PRKCB: variants seen among roughly 807,000 people sequenced by gnomAD.
PRKCB encodes protein kinase C beta type.
A neutral mutation model predicts 81.5 loss-of-function variants in PRKCB; 13 were observed. The ratio of observed to expected loss-of-function variants is 0.16; its 90% CI spans 0.10 to 0.25. The LOEUF (loss-of-function observed/expected upper bound fraction) is 0.25, where lower values mean the gene tolerates loss of function less well. Ranked by LOEUF, PRKCB falls within the 10% of genes least tolerant of loss-of-function variation. The pLI is 1.00. For missense variants in PRKCB, 509 were observed against 875.7 expected, an observed-to-expected ratio of 0.58 and a Z score of 5.29; for synonymous variants, 335 against 321.4, an observed-to-expected ratio of 1.04 and a Z score of -0.45.
At chr16:23,959,862 T>TC (rs747351610) in intron 2 of PRKCB, among the ~76,000 whole-genome samples, 1 of 152,160 alleles carries the variant, frequency 6.6e-6, no homozygotes, top group African/African-American at 2.4e-5. Context: ...CTAGGCGATG[T>TC]CCCCCCACTT....
At chr16:23,993,171 T>C (rs1021335459) in intron 3 of PRKCB, among the ~76,000 whole-genome samples, 2 of 151,990 alleles carry the variant, frequency 1.3e-5, no homozygotes, top group African/African-American at 4.8e-5. Context: ...AAAGAACTAT[T>C]TGAGTTTTCT....
chr16:24,146,237 C>T (rs896950922), intron 9 of PRKCB, among the ~76,000 whole-genome samples: 2 of 152,162 alleles, frequency 1.3e-5, no homozygotes, highest in African/African-American at 2.4e-5. Flanking sequence ...GCCTCCAGAA[C>T]TCTGAAATAA....
chr16:24,009,335 T>G (rs1426875609), intron 3 of PRKCB, among the ~76,000 whole-genome samples: 1 of 152,008 alleles, frequency 6.6e-6, no homozygotes. Flanking sequence ...AAAAGGCATA[T>G]GAAAATTTAA....
At chr16:24,037,841 G>A (rs932058714) in intron 5 of PRKCB, among the ~76,000 whole-genome samples, 5 of 150,782 alleles carry the variant, frequency 3.3e-5, no homozygotes, top group Admixed American at 3.3e-4. Flanking sequence ...CACAAACTGG[G>A]TGGCTTAAGA....
intron 2 of PRKCB, among the ~76,000 whole-genome samples, chr16:23,858,223 G>A (rs1393645176): frequency 6.6e-6 from 1 of 152,150 alleles, no homozygotes; most frequent in Non-Finnish European, 1.5e-5. Context: ...TATCCCTTTT[G>A]TAGATAAGAA....
chr16:24,021,930 T>C (rs1257159674), intron 3 of PRKCB, among the ~76,000 whole-genome samples: 1 of 152,156 alleles, frequency 6.6e-6, no homozygotes, highest in Admixed American at 6.5e-5. Flanking sequence ...TATTTTGTTG[T>C]TGTATTCAAC....
In PRKCB at chr16:24,035,481, C is replaced by T; in HGVS notation, c.463C>T (p.His155Tyr). The change falls in exon 5 of 17, where the codon CAC becomes TAC. Residue 155 changes from histidine (H) to tyrosine (Y), a missense_variant. Coordinates refer to ENST00000643927, the MANE Select transcript of PRKCB (RefSeq NM_002738.7). ...MNVPSLCGTDHTERRGRIYIQ... is the reference protein window; with the variant it reads ...MNVPSLCGTDYTERRGRIYIQ... The stretch of plus-strand genomic sequence containing the variant: ...TGTTCCCAGCCTGTGTGGCACGGAC[C>T]ACACGGAGCGCCGCGGCCGCATCTA... 6 of 1,614,192 alleles carry T rather than the reference C, an allele frequency of 3.7e-6. No individual in the cohort carries two copies. The highest frequency in any genetic ancestry group is 5.1e-6 in the Non-Finnish European group (6 of 1,180,028).
intron 8 of PRKCB, among the ~76,000 whole-genome samples, chr16:24,114,755 A>G (rs772341456): frequency 7.2e-5 from 11 of 152,166 alleles, no homozygotes; most frequent in Non-Finnish European, 1.2e-4. Flanking sequence ...TTCTAGATAA[A>G]CCATGATGGC....
chr16:24,045,613 AT>A (rs1022021656), intron 5 of PRKCB, among the ~76,000 whole-genome samples: 1 of 151,430 alleles, frequency 6.6e-6, no homozygotes, highest in African/African-American at 2.4e-5. Context: ...GTTGAAGCTA[AT>A]TTTTTTTTCC....
chr16:23,981,528 A>G (rs1455551311), intron 2 of PRKCB, among the ~76,000 whole-genome samples: 1 of 152,042 alleles, frequency 6.6e-6, no homozygotes, highest in East Asian at 1.9e-4. Flanking sequence ...GGATGGGAAC[A>G]TTATTCTGCC....
intron 1 of PRKCB, among the ~76,000 whole-genome samples, chr16:23,836,912 C>T (rs1962171950): frequency 6.6e-6 from 1 of 151,988 alleles, no homozygotes; most frequent in Non-Finnish European, 1.5e-5. Context: ...TTCCACTCCT[C>T]GGTCACATCA....
At chr16:24,001,538 C>T (rs1965034467) in intron 3 of PRKCB, among the ~76,000 whole-genome samples, 2 of 152,190 alleles carry the variant, frequency 1.3e-5, no homozygotes. Context: ...TAAGTGAGAA[C>T]ATGTTTGAAA....
At chr16:24,203,858 G>T (rs1323301354) in intron 16 of PRKCB, among the ~76,000 whole-genome samples, 37 of 152,202 alleles carry the variant, frequency 2.4e-4, no homozygotes, top group South Asian at 4.1e-4. Flanking sequence ...TTCTTCCCAG[G>T]GTACACGTCT....
chr16:23,998,010 T>C (rs964607574), intron 3 of PRKCB, among the ~76,000 whole-genome samples: 4 of 152,188 alleles, frequency 2.6e-5, no homozygotes, highest in African/African-American at 9.6e-5. Context: ...TTCAAGAAAT[T>C]ATCATTTGAA....
chr16:24,210,662 G>C (rs1380687142), intron 16 of PRKCB, among the ~76,000 whole-genome samples: 1 of 151,990 alleles, frequency 6.6e-6, no homozygotes, highest in East Asian at 1.9e-4. Flanking sequence ...ACCACACCCA[G>C]CTAATATTTG....
At chr16:23,961,902 A>G (rs1034885187) in intron 2 of PRKCB, among the ~76,000 whole-genome samples, 2 of 152,130 alleles carry the variant, frequency 1.3e-5, no homozygotes, top group South Asian at 2.1e-4. Flanking sequence ...GCTGGGTCAC[A>G]TAATCACCCT....
intron 2 of PRKCB, chr16:23,869,119 A>G (rs945977581): frequency 2.2e-5 from 10 of 453,672 alleles, no homozygotes; most frequent in African/African-American, 2.0e-4. Context: ...TGCAGAAGGG[A>G]CACACTTTCC....
intron 2 of PRKCB, among the ~76,000 whole-genome samples, chr16:23,887,376 T>C (rs1014628710): frequency 2.0e-5 from 3 of 152,196 alleles, no homozygotes; most frequent in Non-Finnish European, 4.4e-5. Flanking sequence ...GTTCCCAGTG[T>C]CTGTTGTTTC....
At position 24,122,452 on chromosome 16, in the gene PRKCB, T is replaced by TG. The variant is rs1966810125; in HGVS notation, c.919-1383_919-1382insG. Reference sequence around the variant, plus strand: ...GTCAGAGGATTCTACCACGAGGCTTTTTTTTTTTTTTTTTTTAGTGAGAGA... The same window carrying TG: ...GTCAGAGGATTCTACCACGAGGCTTTGTTTTTTTTTTTTTTTTAGTGAGAGA... On this transcript the variant is annotated intron_variant, in intron 8 of 16. Coordinates refer to ENST00000643927, the MANE Select transcript of PRKCB (RefSeq NM_002738.7). Among the ~76,000 whole-genome samples, 6 of 143,872 alleles carry TG rather than the reference T, an allele frequency of 4.2e-5. No homozygotes were observed. In the South Asian group the frequency reaches 1.1e-3, roughly 26 times the overall value. The allele number at this position is 143,872 out of a possible 152,430, so 94.4% of individuals were successfully genotyped here. A position where few individuals can be genotyped will look rare whatever the true frequency, so the allele number is the denominator to read the frequency against.
Sources: gnomAD v4.1 joint callset for allele counts (sites outside exome capture counted in the v4.1 genomes callset) on GRCh38, gnomAD v4.1.1 for gene constraint, MANE v1.5 for transcripts, NCBI Gene and HGNC (gene_info 2026-07-23, HGNC 2026-07-21) for gene names.